Variants in ATAD1 observed in about 807,000 individuals in gnomAD.
The protein encoded by ATAD1 is ATPase family AAA domain containing 1.
Under a neutral mutation model 42.7 loss-of-function variants are expected in ATAD1, and 18 were observed. The observed-to-expected ratio is 0.42, with a 90% CI of 0.29 to 0.63. The LOEUF is 0.63. Ranked by LOEUF, ATAD1 falls within the 20% of genes least tolerant of loss-of-function variation. The pLI is 0.19. For missense variants in ATAD1, 294 were observed against 440.4 expected (o/e 0.67, Z 2.98); for synonymous variants, 132 against 143.1 (o/e 0.92, Z 0.55).
chr10:87,814,401 C>T (rs774961482), intron 2 of ATAD1, 37 bp downstream of exon 2: 1 of 1,518,588 alleles, frequency 6.6e-7, no homozygotes, highest in Non-Finnish European at 8.8e-7. Context: ...TACTTGTTAG[C>T]CACAAGAAAA....
chr10:87,821,859 T>C (rs922312234), upstream of ATAD1, among the ~76,000 whole-genome samples: 13 of 152,156 alleles, frequency 8.5e-5, no homozygotes, highest in Non-Finnish European at 1.5e-4. Flanking sequence ...TCTGAGCTGA[T>C]TGGGATATAG....
intron 2 of ATAD1, among the ~76,000 whole-genome samples, chr10:87,806,088 GC>G (rs1278277599): frequency 6.6e-6 from 1 of 152,072 alleles, no homozygotes; most frequent in Non-Finnish European, 1.5e-5. Context: ...AATTATATTT[GC>G]CACCCCACAA....
At chr10:87,803,763 T>C (rs1856805782) in intron 2 of ATAD1, among the ~76,000 whole-genome samples, 1 of 152,270 alleles carries the variant, frequency 6.6e-6, no homozygotes, top group African/African-American at 2.4e-5. Flanking sequence ...GTAAATTAAC[T>C]GAGACCTGTC....
chr10:87,836,576 T>C (rs1857934316), intron 1 of ATAD1, among the ~76,000 whole-genome samples: 2 of 152,224 alleles, frequency 1.3e-5, no homozygotes, highest in Admixed American at 1.3e-4. Flanking sequence ...CTGTAAATAA[T>C]GTATCATTTT....
chr10:87,839,591 T>C (rs1857992358), intron 1 of ATAD1, among the ~76,000 whole-genome samples: 1 of 152,304 alleles, frequency 6.6e-6, no homozygotes, highest in African/African-American at 2.4e-5. Context: ...GGACTAGAAC[T>C]AGGCTATTGT....
chr10:87,768,120 T>C (rs1418143142), intron 7 of ATAD1, among the ~76,000 whole-genome samples: 1 of 152,204 alleles, frequency 6.6e-6, no homozygotes, highest in Non-Finnish European at 1.5e-5. Flanking sequence ...ATGGCAACAG[T>C]AACTTCTCAG....
At position 87,814,531 on chromosome 10, in the gene ATAD1, C is replaced by A; in HGVS notation, c.69G>T (p.Leu23Phe). ...AGTATGTCACTGCACCAAATATTGT[C>A]AAACGGAAAATTAAACCAACAACTT... is the stretch of plus-strand genomic sequence containing the variant. ...RNEVVGLIFR[L>F]TIFGAVTYFT... Residue 23 changes from leucine to phenylalanine, a missense_variant, in exon 2 of 10, where the codon TTG becomes TTT. Transcript: ENST00000680024. 6.2e-7 allele frequency: 1 copy of A among 1,611,956 alleles called. No individual in the cohort carries two copies. Among genetic ancestry groups the A allele is most frequent in the South Asian group, 1.1e-5 (1 of 90,840 alleles).
upstream of ATAD1, among the ~76,000 whole-genome samples, chr10:87,821,120 TCTC>T (rs1236050492): frequency 2.0e-5 from 3 of 152,174 alleles, no homozygotes; most frequent in Non-Finnish European, 2.9e-5. Context: ...TTATGGCAGT[TCTC>T]CTCCAAGGTG....
intron 5 of ATAD1, among the ~76,000 whole-genome samples, chr10:87,776,737 T>C (rs866271256): frequency 6.6e-6 from 1 of 152,158 alleles, no homozygotes; most frequent in African/African-American, 2.4e-5. Flanking sequence ...CTCAAAGTGC[T>C]GGGATTACAG....
intron 2 of ATAD1, among the ~76,000 whole-genome samples, chr10:87,797,149 C>T (rs569091961): frequency 6.6e-6 from 1 of 152,222 alleles, no homozygotes; most frequent in Non-Finnish European, 1.5e-5. Flanking sequence ...TTCTCCTTAC[C>T]ATTAGCACAG....
chr10:87,777,235 AGTT>A (rs1464105436), intron 5 of ATAD1, among the ~76,000 whole-genome samples: 2 of 151,752 alleles, frequency 1.3e-5, no homozygotes, highest in Admixed American at 1.3e-4. Flanking sequence ...ATGTGCTCTT[AGTT>A]ATGTTGCATA....
Position 87,780,476 on chromosome 10 carries a change from C to G in ATAD1, c.583+3994G>C, listed in dbSNP as rs185525616. On this transcript the variant is annotated intron_variant, in intron 5 of 9. Coordinates refer to ENST00000680024, the MANE Select transcript of ATAD1 (RefSeq NM_001321967.2). ...TCAATACTGGTTCATTATTAAATGT[C>G]TCATGCTAGTATTAATACTAGGAGA... 3.4e-4 allele frequency among the ~76,000 whole-genome samples: 52 copies of G among 152,200 alleles called. 1 individual carries two copies. Among genetic ancestry groups the G allele is most frequent in the Admixed American group, 3.0e-3 (46 of 15,282 alleles).
intron 4 of ATAD1, among the ~76,000 whole-genome samples, chr10:87,788,310 T>C (rs1389259352): frequency 6.6e-6 from 1 of 152,216 alleles, no homozygotes; most frequent in Non-Finnish European, 1.5e-5. Flanking sequence ...CTAACCTAGG[T>C]AACCTAGTTC....
intron 2 of ATAD1, among the ~76,000 whole-genome samples, chr10:87,811,953 A>G (rs1343207675): frequency 6.6e-6 from 1 of 152,202 alleles, no homozygotes; most frequent in Non-Finnish European, 1.5e-5. Flanking sequence ...TCTTTGAGGT[A>G]TCCAGACAAA....
Position 87,755,367 on chromosome 10 carries a change from T to A in ATAD1, c.966-560A>T, listed in dbSNP as rs553328063. Reference sequence around the variant, plus strand: ...AGAATATTATGGCTCCCTTGTAATTTACAGATATTCAGGGAAAAACATTCA... The same window carrying A: ...AGAATATTATGGCTCCCTTGTAATTAACAGATATTCAGGGAAAAACATTCA... On this transcript the variant is annotated intron_variant, in intron 9 of 9. Transcript: ENST00000680024. Among the ~76,000 whole-genome samples, 3 of 152,252 alleles carry A rather than the reference T, an allele frequency of 2.0e-5. No individual in the cohort carries two copies. The East Asian group carries it at 5.8e-4, about 29-fold the overall frequency.
At chr10:87,838,252 C>T (rs547705844) in intron 1 of ATAD1, among the ~76,000 whole-genome samples, 2 of 152,126 alleles carry the variant, frequency 1.3e-5, no homozygotes, top group Admixed American at 6.5e-5. Context: ...GTGGGCTGGG[C>T]GCGGTGGCTC....
chr10:87,789,024 G>C (rs573936162), intron 4 of ATAD1, among the ~76,000 whole-genome samples: 1 of 152,186 alleles, frequency 6.6e-6, no homozygotes, highest in African/African-American at 2.4e-5. Context: ...GCTGTTAACT[G>C]TCATCCTCCA....
At chr10:87,828,341 G>A (rs970827393) in intron 1 of ATAD1, among the ~76,000 whole-genome samples, 11 of 152,154 alleles carry the variant, frequency 7.2e-5, no homozygotes, top group African/African-American at 2.7e-4. Context: ...CATCCTAATG[G>A]CTGACATGGA....
chr10:87,766,377 A>T (rs1412653054), intron 8 of ATAD1, among the ~76,000 whole-genome samples: 1 of 152,232 alleles, frequency 6.6e-6, no homozygotes, highest in Non-Finnish European at 1.5e-5. Flanking sequence ...TTGATTCACT[A>T]AATTCCAGAA....
Sources: gnomAD v4.1 joint callset for allele counts (sites outside exome capture counted in the v4.1 genomes callset) on GRCh38, gnomAD v4.1.1 for gene constraint, MANE v1.5 for transcripts, NCBI Gene and HGNC (gene_info 2026-07-23, HGNC 2026-07-21) for gene names.